Variants in TTLL4 observed in about 807,000 individuals in gnomAD.
TTLL4 encodes tubulin tyrosine ligase like 4, also known as tubulin monoglutamylase TTLL4.
In TTLL4, 85 loss-of-function variants were observed where a neutral mutation model predicts 122.7. That is an observed-to-expected ratio of 0.69 (90% CI 0.58 to 0.83). The LOEUF is 0.83. Ranked by LOEUF, TTLL4 falls within the 40% of genes least tolerant of loss-of-function variation. The pLI is 0.00. For missense variants in TTLL4, 1,363 were observed against 1,488.6 expected (o/e 0.92, Z 1.39); for synonymous variants, 553 against 563.0 (o/e 0.98, Z 0.25).
chr2:218,740,526 T>G lies in TTLL4; in HGVS notation c.1603T>G (p.Ser535Ala). 6.2e-7 allele frequency: 1 copy of G among 1,614,194 alleles called. No homozygotes were observed. The highest frequency in any genetic ancestry group is 1.6e-4 in the Middle Eastern group (1 of 6,062). The change falls in exon 5 of 20, where the codon TCA becomes GCA. Residue 535 changes from serine to alanine, a missense_variant. Coordinates refer to ENST00000392102, the MANE Select transcript of TTLL4 (RefSeq NM_014640.5). ...RDENEEEEGD[S>A]ECSSLSAVSP... ...TCTGTTCTTCCTTCCTCTAGGAGACTCAGAGTGCTCCTCATTAAGTGCTGT... is the reference window on the plus strand; with the variant it reads ...TCTGTTCTTCCTTCCTCTAGGAGACGCAGAGTGCTCCTCATTAAGTGCTGT...
In TTLL4 at chr2:218,738,951, C is replaced by T. The variant is rs1320272069; in HGVS notation, c.1275C>T (p.Ala425=). 1.2e-6 allele frequency: 2 copies of T among 1,614,220 alleles called. No homozygotes were observed. The highest frequency in any genetic ancestry group is 2.2e-5 in the South Asian group (2 of 91,086). ...CTKRISIHLL[A]SHASGLNHNP... ...AGCGTATCAGCATTCACCTCCTTGC[C>T]TCACATGCCAGTGGGCTCAATCACA... The change falls in exon 3 of 20, where the codon GCC becomes GCT. Residue 425 remains alanine, a synonymous_variant. Coordinates refer to ENST00000392102, the MANE Select transcript of TTLL4 (RefSeq NM_014640.5).
In TTLL4 at chr2:218,754,219, C is replaced by T. The variant is rs1212727130; in HGVS notation, c.3430C>T (p.Pro1144Ser). 6.2e-7 allele frequency: 1 copy of T among 1,614,208 alleles called. No homozygotes were observed. The highest frequency in any genetic ancestry group is 1.7e-5 in the Admixed American group (1 of 60,028). ...CAAGAAGACTCAAGCTGGCCTTTCCCCTTATCCCCAGAAACCCAGTTCCTC... is the reference window on the plus strand; with the variant it reads ...CAAGAAGACTCAAGCTGGCCTTTCCTCTTATCCCCAGAAACCCAGTTCCTC... ...KSKKTQAGLS[P>S]YPQKPSSSKD... The change falls in exon 20 of 20, where the codon CCT (proline) becomes TCT (serine). Residue 1144 changes from proline to serine, a missense_variant. This residue lies in a region of TTLL4 where 596 missense variants were observed against 655.8 expected (regional missense o/e 0.91). Transcript: ENST00000392102.
chr2:218,753,260 T>G, intron 18 of TTLL4, 75 bp downstream of exon 18: 1 of 1,518,528 alleles, frequency 6.6e-7, no homozygotes, highest in African/African-American at 1.4e-5. Context: ...CAGCAGGAGT[T>G]GGGTTGGTAT....
intron 6 of TTLL4, 125 bp from the exon 7 acceptor site, chr2:218,745,566 G>T: frequency 1.4e-6 from 1 of 710,066 alleles, no homozygotes; most frequent in South Asian, 1.7e-5. Context: ...CCCTGATCTG[G>T]AGCAATAGTT....
At position 218,754,186 on chromosome 2, in the gene TTLL4, C is replaced by T; in HGVS notation, c.3397C>T (p.Pro1133Ser). ...SLLLSEDGTT[P>S]KSKKTQAGLS... ...ACTACTCTCTGAAGACGGGACCACG[C>T]CCAAATCCAAGAAGACTCAAGCTGG... is the stretch of plus-strand genomic sequence containing the variant. Residue 1133 changes from proline to serine, a missense_variant, in exon 20 of 20, where the codon CCC becomes TCC. By Grantham distance (74) the Pro-to-Ser change is moderately conservative (BLOSUM62 -1). Around this residue, in one of 3 missense-constraint regions of TTLL4, gnomAD observed 596 missense variants for 655.8 expected, o/e 0.91. Transcript: ENST00000392102. 6.2e-7 allele frequency: 1 copy of T among 1,614,186 alleles called. No individual in the cohort carries two copies. Among genetic ancestry groups the T allele is most frequent in the Non-Finnish European group, 8.5e-7 (1 of 1,180,042 alleles).
At chr2:218,711,237 C>T (rs1228583627) in intron 1 of TTLL4, among the ~76,000 whole-genome samples, 200 bp downstream of exon 1, 1 of 152,228 alleles carries the variant, frequency 6.6e-6, no homozygotes, top group African/African-American at 2.4e-5. Context: ...GGACTTCGCG[C>T]CTCCTCGGAG....
chr2:218,715,550 C>G (rs1185189633), intron 1 of TTLL4, among the ~76,000 whole-genome samples: 2 of 152,156 alleles, frequency 1.3e-5, no homozygotes, highest in African/African-American at 4.8e-5. Context: ...GTATTCTCTG[C>G]AGTTGCAACA....
chr2:218,732,031 T>C (rs979572400), intron 2 of TTLL4, among the ~76,000 whole-genome samples: 2 of 152,208 alleles, frequency 1.3e-5, no homozygotes, highest in South Asian at 2.1e-4. Context: ...ATTCAAAATA[T>C]CATTTTTCAG....
chr2:218,741,838 A>G (rs1942710225), intron 5 of TTLL4, among the ~76,000 whole-genome samples: 1 of 152,234 alleles, frequency 6.6e-6, no homozygotes, highest in African/African-American at 2.4e-5. Flanking sequence ...TTCCTGATAT[A>G]TAAGATAAAA....
intron 1 of TTLL4, among the ~76,000 whole-genome samples, chr2:218,722,249 CAAA>C (rs1942064015): frequency 6.6e-6 from 1 of 151,654 alleles, no homozygotes; most frequent in South Asian, 2.1e-4. Context: ...CTCAAACAAA[CAAA>C]AAGAAATTAA....
chr2:218,738,125 A>G lies in TTLL4; in HGVS notation c.449A>G (p.Gln150Arg), dbSNP rs956255772. The change falls in exon 3 of 20, where the codon CAA becomes CGA. Residue 150 changes from glutamine (Q) to arginine (R), a missense_variant. Physicochemically the swap from Gln to Arg is conservative, Grantham distance 43. Coordinates refer to ENST00000392102, the MANE Select transcript of TTLL4 (RefSeq NM_014640.5). ...GAAAAAAGCCCTTTTTCTCTCCCTC[A>G]AAAGAGCCTCCCTGTCAGTCTCACT... ...PSEKSPFSLPQKSLPVSLTAN... is the reference protein window; with the variant it reads ...PSEKSPFSLPRKSLPVSLTAN... The G allele has an allele frequency of 6.2e-7, 1 of 1,613,986 alleles. No homozygotes were observed. Among genetic ancestry groups the G allele is most frequent in the South Asian group, 1.1e-5 (1 of 91,072 alleles).
At chr2:218,752,675 G>A (rs769583186) in intron 16 of TTLL4, 88 bp from the exon 17 acceptor site, 71 of 1,419,556 alleles carry the variant, frequency 5.0e-5, no homozygotes, top group Non-Finnish European at 6.7e-5. Flanking sequence ...GACCCCAGGG[G>A]TGTGCTCCCT....
Position 218,737,646 on chromosome 2 carries a change from T to C in TTLL4, c.-31T>C, listed in dbSNP as rs1272949225. 2 of 1,546,128 alleles carry C rather than the reference T, an allele frequency of 1.3e-6. No individual in the cohort carries two copies. Among genetic ancestry groups the C allele is most frequent in the South Asian group, 2.5e-5 (2 of 80,094 alleles). On this transcript the variant is annotated 5_prime_UTR_variant, in exon 3 of 20. It removes an upstream start codon present in the reference 5' UTR. Transcript: ENST00000392102. ...GTGGCACCTTACCTCAGCAAGGCCATGAGACCGTGTGGCCATGATGTGGGC... is the reference window on the plus strand; with the variant it reads ...GTGGCACCTTACCTCAGCAAGGCCACGAGACCGTGTGGCCATGATGTGGGC...
At position 218,740,566 on chromosome 2, in the gene TTLL4, CGGT is replaced by C. The variant is rs757655404; in HGVS notation, c.1646_1648del (p.Val549del). ...TTAAGTGCTGTCTCCCCCAGCGAAT[CGGT>C]GGCCATGATCTCTAGGTAAGTGTGG... is the stretch of plus-strand genomic sequence containing the variant. On this transcript the variant is annotated inframe_deletion, in exon 5 of 20. Transcript: ENST00000392102. 2.5e-6 allele frequency: 4 copies of C among 1,614,032 alleles called. No homozygotes were observed. In the African/African-American group the frequency reaches 5.3e-5, roughly 22 times the overall value.
In TTLL4 at chr2:218,751,718, C is replaced by G; in HGVS notation, c.2888C>G (p.Pro963Arg). ...SSSTTSLPTS[P>R]GDKCRMAPEH... is the part of the protein sequence containing the mutation. ...CTCTGCCGTAGCCTGCCCACCTCCC[C>G]TGGGGACAAATGTCGAATGGCTCCA... The change falls in exon 16 of 20, where the codon CCT becomes CGT. Residue 963 changes from proline to arginine, a missense_variant. By Grantham distance (103) the Pro-to-Arg change is moderately radical. Coordinates refer to ENST00000392102, the MANE Select transcript of TTLL4 (RefSeq NM_014640.5). 2.5e-6 allele frequency: 4 copies of G among 1,613,114 alleles called. No individual in the cohort carries two copies. Among genetic ancestry groups the G allele is most frequent in the Non-Finnish European group, 3.4e-6 (4 of 1,179,346 alleles).
chr2:218,724,004 A>G (rs1175782224), intron 1 of TTLL4, among the ~76,000 whole-genome samples: 1 of 152,196 alleles, frequency 6.6e-6, no homozygotes, highest in Non-Finnish European at 1.5e-5. Context: ...TTTAGCAAAC[A>G]TTTAGGAAGT....
intron 1 of TTLL4, among the ~76,000 whole-genome samples, chr2:218,715,717 C>T (rs1199630296): frequency 3.9e-5 from 6 of 152,152 alleles, no homozygotes. Context: ...GCAACCTCCA[C>T]CTTCCTCGTT....
At chr2:218,715,000 A>G (rs1469518691) in intron 1 of TTLL4, among the ~76,000 whole-genome samples, 1 of 151,728 alleles carries the variant, frequency 6.6e-6, no homozygotes, top group Non-Finnish European at 1.5e-5. Context: ...TACAATTTAC[A>G]TTAACTGTAT....
intron 2 of TTLL4, among the ~76,000 whole-genome samples, chr2:218,727,760 A>C (rs1472602265): frequency 1.3e-5 from 2 of 152,044 alleles, no homozygotes; most frequent in Non-Finnish European, 2.9e-5. Flanking sequence ...AAAAACAAAC[A>C]AAAAAACCCT....
Sources: allele counts gnomAD v4.1 joint callset (sites outside exome capture counted in the v4.1 genomes callset), GRCh38; gene constraint gnomAD v4.1.1; regional missense constraint gnomAD v4.1.1; transcripts MANE v1.5; gene names NCBI Gene and HGNC (gene_info 2026-07-23, HGNC 2026-07-21).